CADM1: variants seen among roughly 807,000 people sequenced by gnomAD.
CADM1 encodes TSLC-1.
In CADM1, 15 loss-of-function variants were observed where a neutral mutation model predicts 53.1. The observed-to-expected ratio is 0.28, with a 90% CI of 0.19 to 0.44. The LOEUF is 0.44. Among genes scored for constraint, CADM1 ranks in the 20% least tolerant of loss-of-function variants. The pLI, the probability that CADM1 is intolerant of heterozygous loss-of-function variation, is 1.00. For missense variants in CADM1, 434 were observed against 611.3 expected (o/e 0.71, Z 3.06); for synonymous variants, 281 against 243.0 (o/e 1.16, Z -1.45).
At chr11:115,491,772 A>AT (rs1352966952) in intron 1 of CADM1, among the ~76,000 whole-genome samples, 2 of 152,234 alleles carry the variant, frequency 1.3e-5, no homozygotes, top group Admixed American at 1.3e-4. Context: ...CCATGCATCC[A>AT]TAAAAAAGGA....
chr11:115,253,321 TGA>T (rs1565326276), intron 1 of CADM1, among the ~76,000 whole-genome samples: 1 of 152,092 alleles, frequency 6.6e-6, no homozygotes, highest in East Asian at 1.9e-4. Context: ...ACTAAGTGCA[TGA>T]GCTTTGAGAA....
intron 1 of CADM1, among the ~76,000 whole-genome samples, chr11:115,283,022 C>G (rs573081878): frequency 6.6e-6 from 1 of 152,234 alleles, no homozygotes; most frequent in East Asian, 1.9e-4. Context: ...ACACGATATA[C>G]TAAAGACAGC....
intron 10 of CADM1, among the ~76,000 whole-genome samples, chr11:115,181,913 G>A (rs774938439): frequency 4.3e-4 from 66 of 152,150 alleles, no homozygotes; most frequent in Non-Finnish European, 8.2e-4. Flanking sequence ...TACTGGAGTC[G>A]CACGAAAACC....
At chr11:115,490,175 A>G (rs1305951877) in intron 1 of CADM1, among the ~76,000 whole-genome samples, 1 of 152,228 alleles carries the variant, frequency 6.6e-6, no homozygotes, top group Non-Finnish European at 1.5e-5. Context: ...GGCTAGCAGT[A>G]AATGAAACAA....
chr11:115,334,343 C>T (rs769523518), intron 1 of CADM1, among the ~76,000 whole-genome samples: 9 of 152,016 alleles, frequency 5.9e-5, no homozygotes, highest in Admixed American at 2.6e-4. Flanking sequence ...CAACCAATGA[C>T]TAAACCTTAA....
At chr11:115,362,497 C>T (rs1946054156) in intron 1 of CADM1, among the ~76,000 whole-genome samples, 1 of 152,154 alleles carries the variant, frequency 6.6e-6, no homozygotes, top group Non-Finnish European at 1.5e-5. Flanking sequence ...ACCTAGTCAA[C>T]AAAAATAGTT....
chr11:115,500,355 T>C (rs1949703893), intron 1 of CADM1, among the ~76,000 whole-genome samples: 1 of 152,170 alleles, frequency 6.6e-6, no homozygotes, highest in Non-Finnish European at 1.5e-5. Flanking sequence ...AGTGACCAAT[T>C]AGGCATTAAA....
chr11:115,452,153 TGGTGGGGTGGGGG>T (rs140375542), intron 1 of CADM1, among the ~76,000 whole-genome samples: 120,238 of 137,640 alleles, frequency 0.87, 51,451 homozygotes, highest in East Asian at 0.99. Context: ...CGGGGTGGGG[TGGTGGGGTGGGGG>T]GGTGGGGGGG....
intron 1 of CADM1, among the ~76,000 whole-genome samples, chr11:115,458,672 G>T (rs1017944480): frequency 6.6e-6 from 1 of 151,730 alleles, no homozygotes; most frequent in African/African-American, 2.4e-5. Context: ...CATTTCTAGG[G>T]GTTCAGTAAC....
At chr11:115,206,014 A>C (rs1325725923) in intron 8 of CADM1, among the ~76,000 whole-genome samples, 1 of 152,204 alleles carries the variant, frequency 6.6e-6, no homozygotes, top group African/African-American at 2.4e-5. Flanking sequence ...TAACCTACCA[A>C]ACATCACAGC....
chr11:115,365,003 G>T (rs1481448982), intron 1 of CADM1, among the ~76,000 whole-genome samples: 1 of 152,090 alleles, frequency 6.6e-6, no homozygotes, highest in Non-Finnish European at 1.5e-5. Flanking sequence ...GGAAAAACGT[G>T]ACAGGCTTAA....
chr11:115,483,315 TG>T (rs1949297564), intron 1 of CADM1, among the ~76,000 whole-genome samples: 5 of 152,198 alleles, frequency 3.3e-5, no homozygotes, highest in South Asian at 2.1e-4. Flanking sequence ...AAATGAATAA[TG>T]TTTTTTTCAC....
chr11:115,340,601 G>A (rs9888245), intron 1 of CADM1, among the ~76,000 whole-genome samples: 112,368 of 112,372 alleles, frequency 1, 56,182 homozygotes, highest in Middle Eastern at 1. Flanking sequence ...TGGTCTCAGA[G>A]TGGAGTCACA....
intron 1 of CADM1, among the ~76,000 whole-genome samples, chr11:115,308,209 T>C (rs75507228): frequency 3.4e-5 from 2 of 58,030 alleles, no homozygotes; most frequent in East Asian, 1.3e-3. Context: ...TATATATATA[T>C]ATACACACCT....
chr11:115,411,991 A>C (rs1378880762), intron 1 of CADM1, among the ~76,000 whole-genome samples: 1 of 152,002 alleles, frequency 6.6e-6, no homozygotes, highest in Non-Finnish European at 1.5e-5. Flanking sequence ...CTAATAACAG[A>C]CTTCAAGATT....
At chr11:115,339,476 T>G (rs1024358523) in intron 1 of CADM1, among the ~76,000 whole-genome samples, 10 of 152,114 alleles carry the variant, frequency 6.6e-5, no homozygotes, top group African/African-American at 2.2e-4. Context: ...CATGTCCACC[T>G]TCTTTTAAAT....
chr11:115,197,709 C>G (rs1367567465), intron 9 of CADM1, among the ~76,000 whole-genome samples: 4 of 152,136 alleles, frequency 2.6e-5, no homozygotes, highest in Admixed American at 2.6e-4. Flanking sequence ...ACACACACAC[C>G]AGTAACTTAT....
chr11:115,203,645 T>G (rs1940541848), intron 8 of CADM1, among the ~76,000 whole-genome samples: 2 of 152,302 alleles, frequency 1.3e-5, no homozygotes, highest in South Asian at 2.1e-4. Flanking sequence ...TCCAAGATTA[T>G]TTTTAAAATA....
At chr11:115,215,830 C>T (rs1817019902) in intron 6 of CADM1, among the ~76,000 whole-genome samples, 1 of 152,158 alleles carries the variant, frequency 6.6e-6, no homozygotes, top group African/African-American at 2.4e-5. Context: ...AAGTGACTTC[C>T]TTCCAGTTCC....
Sources: gnomAD v4.1 joint callset for allele counts (sites outside exome capture counted in the v4.1 genomes callset) on GRCh38, gnomAD v4.1.1 for gene constraint, MANE v1.5 for transcripts, NCBI Gene and HGNC (gene_info 2026-07-23, HGNC 2026-07-21) for gene names.